PKD1L3: variants seen among roughly 807,000 people sequenced by gnomAD.
PKD1L3 encodes the protein polycystin 1 like 3, transient receptor potential channel interacting.
A neutral mutation model predicts 184.1 loss-of-function variants in PKD1L3; 239 were observed. That is an observed-to-expected ratio of 1.30 (90% CI 1.17 to 1.45). The LOEUF (loss-of-function observed/expected upper bound fraction) is 1.45. Among genes scored for constraint, PKD1L3 ranks in the 40% most tolerant of loss-of-function variants. The pLI is 0.00. For synonymous variants in PKD1L3, 996 were observed against 778.8 expected (o/e 1.28, Z -4.64); for missense variants, 2,660 against 2,067.2 (o/e 1.29, Z -5.56).
rs1302852115 is a variant in PKD1L3 at position 71,953,921 on chromosome 16, G to A, written c.2809+184C>T. Reference sequence around the variant, plus strand: ...GTAAGGGTAGTGGAGTTTAGTTAAAGTATTGCATAGTAGGCTGGGCATGGT... The same window carrying A: ...GTAAGGGTAGTGGAGTTTAGTTAAAATATTGCATAGTAGGCTGGGCATGGT... On this transcript the variant is annotated intron_variant, in intron 17 of 29. Coordinates refer to ENST00000620267, the MANE Select transcript of PKD1L3 (RefSeq NM_181536.2). 4.6e-5 allele frequency among the ~76,000 whole-genome samples: 7 copies of A among 152,180 alleles called. No homozygotes were observed. In the South Asian group the frequency reaches 1.5e-3, roughly 32 times the overall value.
chr16:71,977,558 CTCTT>C (rs2039978335), intron 10 of PKD1L3, 91 bp from the exon 11 acceptor site: 1 of 628,054 alleles, frequency 1.6e-6, no homozygotes, highest in Non-Finnish European at 2.5e-6. Flanking sequence ...AACGTCCTAG[CTCTT>C]TTTTTTTTTT....
At chr16:71,982,277 G>GGT in intron 6 of PKD1L3, 42 bp from the exon 7 acceptor site, 8 of 690,236 alleles carry the variant, frequency 1.2e-5, no homozygotes, top group Non-Finnish European at 1.5e-5. Context: ...TGAATTGTTT[G>GGT]CTTTTTTTTT....
chr16:71,934,845 AGCACCACTTG>A (rs1262230984), intron 26 of PKD1L3, among the ~76,000 whole-genome samples: 1 of 152,208 alleles, frequency 6.6e-6, no homozygotes, highest in Non-Finnish European at 1.5e-5. Context: ...AGGTTAGCAA[AGCACCACTTG>A]GCAACACTTG....
In PKD1L3 at chr16:71,953,165, G is replaced by A. The variant is rs1225894477; in HGVS notation, c.2810-72C>T. The A allele has an allele frequency of 3.2e-6, 4 of 1,255,294 alleles. No homozygotes were observed. In the East Asian group the frequency reaches 8.7e-5, roughly 27 times the overall value. The allele number at this position is 1,255,294 out of a possible 1,614,324, so 77.8% of individuals were successfully genotyped here. Reference sequence around the variant, plus strand: ...AATCGCAAAGTCATTCCTCTCCTAGGTTTAACTATTTACTGAGGAAGTTAA... The same window carrying A: ...AATCGCAAAGTCATTCCTCTCCTAGATTTAACTATTTACTGAGGAAGTTAA... On this transcript the variant is annotated intron_variant, in intron 17 of 29. Transcript: ENST00000620267.
intron 9 of PKD1L3, among the ~76,000 whole-genome samples, chr16:71,979,491 CAAG>C (rs1424156452): frequency 1.1e-4 from 16 of 151,782 alleles, no homozygotes; most frequent in Non-Finnish European, 1.9e-4. Flanking sequence ...CAAAACAAAA[CAAG>C]AAAACAAAAA....
chr16:71,961,623 G>T (rs1439834078), intron 16 of PKD1L3, among the ~76,000 whole-genome samples: 2 of 152,138 alleles, frequency 1.3e-5, no homozygotes, highest in South Asian at 4.2e-4. Flanking sequence ...AGCGCCCCCT[G>T]CTGACCTTGT....
chr16:71,976,440 A>C (rs1386432657), intron 11 of PKD1L3, among the ~76,000 whole-genome samples: 6 of 150,784 alleles, frequency 4.0e-5, no homozygotes, highest in Non-Finnish European at 8.9e-5. Flanking sequence ...TATTTTTAGC[A>C]GAGATGGGGT....
At chr16:71,968,033 C>T in intron 13 of PKD1L3, 26 bp from the exon 14 acceptor site, 2 of 1,517,430 alleles carry the variant, frequency 1.3e-6, no homozygotes, top group Non-Finnish European at 1.8e-6. Context: ...AACCATGCAA[C>T]TTACTAGGCC....
At chr16:71,945,236 G>A (rs967687113) in intron 22 of PKD1L3, among the ~76,000 whole-genome samples, 25 of 136,128 alleles carry the variant, frequency 1.8e-4, no homozygotes, top group Non-Finnish European at 4.6e-5. Flanking sequence ...ATGGATTCTG[G>A]AGTGAGGCCT....
chr16:71,951,771 T>G, intron 18 of PKD1L3, 27 bp from the exon 19 acceptor site: 1 of 1,531,978 alleles, frequency 6.5e-7, no homozygotes, highest in Admixed American at 2.1e-5. Context: ...ATGAGAAAAA[T>G]CAGCCTGTTT....
chr16:71,957,362 T>C (rs1381996993), intron 16 of PKD1L3, among the ~76,000 whole-genome samples: 2 of 152,116 alleles, frequency 1.3e-5, no homozygotes, highest in Non-Finnish European at 2.9e-5. Flanking sequence ...CTTACCTTAT[T>C]AGTAATTATA....
In PKD1L3 at chr16:71,944,046, C is replaced by T; in HGVS notation, c.3843G>A (p.Leu1281=). The T allele has an allele frequency of 6.4e-7, 1 of 1,551,660 alleles. No individual in the cohort carries two copies. Among genetic ancestry groups the T allele is most frequent in the Non-Finnish European group, 8.7e-7 (1 of 1,146,984 alleles). The change falls in exon 23 of 30, where the codon CTG becomes CTA. Residue 1281 remains leucine (L), a synonymous_variant. Coordinates refer to ENST00000620267, the MANE Select transcript of PKD1L3 (RefSeq NM_181536.2). ...RTLKKKKLFK[L]TGDILVQILF... ...TCTCCATACCCAAAATATCTCCAGT[C>T]AGCTTGAAGAGTTTCTTCTTTTTCA...
intron 16 of PKD1L3, 94 bp from the exon 17 acceptor site, chr16:71,954,395 C>T: frequency 1.1e-6 from 1 of 938,194 alleles, no homozygotes; most frequent in Non-Finnish European, 1.6e-6. Flanking sequence ...AGCGACATAG[C>T]AACTCCCAAG....
At chr16:71,993,643 C>T (rs1274245574) in intron 2 of PKD1L3, among the ~76,000 whole-genome samples, 1 of 152,176 alleles carries the variant, frequency 6.6e-6, no homozygotes, top group Non-Finnish European at 1.5e-5. Context: ...TTAAGGTCAT[C>T]GCCAGGGTCT....
chr16:71,996,485 C>A (rs1432398386), intron 2 of PKD1L3, among the ~76,000 whole-genome samples: 4 of 152,206 alleles, frequency 2.6e-5, no homozygotes, highest in East Asian at 3.9e-4. Context: ...TGGTCTCAAT[C>A]TCTTTACCTC....
intron 28 of PKD1L3, among the ~76,000 whole-genome samples, chr16:71,931,366 C>T (rs2037955679): frequency 6.6e-6 from 1 of 151,900 alleles, no homozygotes; most frequent in African/African-American, 2.4e-5. Context: ...GGCGCCAGGG[C>T]CCCCACAGGT....
rs1249754689 is a variant in PKD1L3 at position 71,990,296 on chromosome 16, G to A, written c.569C>T (p.Pro190Leu). The stretch of plus-strand genomic sequence containing the variant: ...AGCACTTACAAGATGAGCAGGAAGA[G>A]GATAGTGACATGTGGTTGGAAGATG... Reference protein sequence around the residue: ...PGHLPTTCHYPLPAHLSKTLC... With the variant: ...PGHLPTTCHYLLPAHLSKTLC... The change falls in exon 4 of 30, where the codon CCT becomes CTT. Residue 190 changes from proline (P) to leucine (L), a missense_variant. Pro to Leu is a moderately conservative substitution (Grantham distance 98). Coordinates refer to ENST00000620267, the MANE Select transcript of PKD1L3 (RefSeq NM_181536.2). The A allele has an allele frequency of 6.5e-7, 1 of 1,548,436 alleles. No homozygotes were observed.
chr16:71,951,451 C>T, intron 19 of PKD1L3, 113 bp downstream of exon 19: 10 of 1,128,820 alleles, frequency 8.9e-6, no homozygotes, highest in South Asian at 1.7e-5. Flanking sequence ...GAAATTAAAA[C>T]AACCAGAAGG....
intron 10 of PKD1L3, 138 bp from the exon 11 acceptor site, chr16:71,977,605 C>G (rs2039982391): frequency 3.0e-6 from 2 of 662,866 alleles, no homozygotes; most frequent in Admixed American, 6.0e-5. Context: ...CTATGTTGGC[C>G]ACGTTGGTCT....
Sources: allele counts gnomAD v4.1 joint callset (sites outside exome capture counted in the v4.1 genomes callset), GRCh38; gene constraint gnomAD v4.1.1; transcripts MANE v1.5; gene names NCBI Gene and HGNC (gene_info 2026-07-23, HGNC 2026-07-21).